Variants in HADHA observed in about 807,000 individuals in gnomAD.
HADHA encodes the protein trifunctional enzyme subunit alpha, mitochondrial.
Under a neutral mutation model 91.3 loss-of-function variants are expected in HADHA, and 59 were observed. The observed-to-expected ratio is 0.65, with a 90% CI of 0.52 to 0.80. HADHA has a LOEUF of 0.80. Among genes scored for constraint, HADHA ranks in the 30% least tolerant of loss-of-function variants. The pLI is 0.00. For missense variants in HADHA, 800 were observed against 927.6 expected (o/e 0.86, Z 1.79); for synonymous variants, 320 against 338.9 (o/e 0.94, Z 0.61).
chr2:26,236,420 G>A (rs7570119), intron 4 of HADHA, among the ~76,000 whole-genome samples: 48,727 of 116,364 alleles, frequency 0.42, 11,007 homozygotes, highest in African/African-American at 0.54. Context: ...GTGTGTGTGT[G>A]TATATACTTT....
At position 26,232,223 on chromosome 2, in the gene HADHA, A is replaced by C. The variant is rs1205240300; in HGVS notation, c.510T>G (p.Gly170=). 3 of 1,603,552 alleles carry C rather than the reference A, an allele frequency of 1.9e-6. No homozygotes were observed. The highest frequency in any genetic ancestry group is 2.6e-6 in the Non-Finnish European group (3 of 1,170,384). Residue 170 remains glycine (G), a synonymous_variant, in exon 6 of 20, where the codon GGT becomes GGG. Coordinates refer to ENST00000380649, the MANE Select transcript of HADHA (RefSeq NM_000182.5). ...AGGCCCCCAGCAAAACTTCAGGGGTACCTAATACTGTTTTTCTGTCTTTTG... is the reference window on the plus strand; with the variant it reads ...AGGCCCCCAGCAAAACTTCAGGGGTCCCTAATACTGTTTTTCTGTCTTTTG... The part of the protein sequence containing the change: ...IATKDRKTVL[G]TPEVLLGALP...
At chr2:26,212,754 A>G in intron 9 of HADHA, 128 bp from the exon 10 acceptor site, 2 of 750,966 alleles carry the variant, frequency 2.7e-6, no homozygotes, top group Non-Finnish European at 4.9e-6. Flanking sequence ...GGAATGAGAA[A>G]GAGAAGAGGA....
At chr2:26,219,668 G>T (rs1670327523) in intron 7 of HADHA, among the ~76,000 whole-genome samples, 1 of 152,188 alleles carries the variant, frequency 6.6e-6, no homozygotes, top group Non-Finnish European at 1.5e-5. Context: ...ATCCCGGGGT[G>T]GCAGGGCCCA....
chr2:26,204,873 C>A (rs998821507), intron 11 of HADHA, among the ~76,000 whole-genome samples: 17 of 152,168 alleles, frequency 1.1e-4, no homozygotes, highest in Non-Finnish European at 1.5e-4. Flanking sequence ...CAGGTGTGAG[C>A]CATCGTGTAA....
rs963919191 is a variant in HADHA at position 26,210,265 on chromosome 2, G to A, written c.976-376C>T. Among the ~76,000 whole-genome samples, 1 of 152,174 alleles carries A rather than the reference G, an allele frequency of 6.6e-6. No homozygotes were observed. The highest frequency in any genetic ancestry group is 2.4e-5 in the African/African-American group (1 of 41,460). On this transcript the variant is annotated intron_variant, in intron 10 of 19. Coordinates refer to ENST00000380649, the MANE Select transcript of HADHA (RefSeq NM_000182.5). The surrounding 1 kb of genome is among the most constrained non-coding windows in gnomAD (Gnocchi z 4.0). ...ACAGATTGGGAAGAGGAGGTCCAAA[G>A]AAATGGAGTGACTTTGCTCAAGGCT...
At chr2:26,215,450 G>C (rs373159913) in intron 7 of HADHA, among the ~76,000 whole-genome samples, 49 of 152,232 alleles carry the variant, frequency 3.2e-4, no homozygotes, top group Middle Eastern at 3.4e-3. Context: ...CACACAAAAG[G>C]AATGCATTAT....
intron 1 of HADHA, among the ~76,000 whole-genome samples, chr2:26,244,012 C>T (rs1475864601): frequency 6.6e-6 from 1 of 152,252 alleles, no homozygotes; most frequent in Non-Finnish European, 1.5e-5. Flanking sequence ...GAGCTCCCTA[C>T]TTGATTGGGG....
rs1326504833 is a variant in HADHA, at chr2:26,193,606, A to G, written c.1856T>C (p.Leu619Pro). The G allele has an allele frequency of 6.2e-7, 1 of 1,613,992 alleles. No individual in the cohort carries two copies. The highest frequency in any genetic ancestry group is 8.5e-7 in the Non-Finnish European group (1 of 1,179,870). Reference protein sequence around the residue: ...ERFGGGNPELLTQMVSKGFLG... With the variant: ...ERFGGGNPELPTQMVSKGFLG... ...GAAGCCCTTGGACACCATCTGTGTC[A>G]GCAGTTCTGGGTTTCCACCTCCAAA... Residue 619 changes from leucine (L) to proline (P), a missense_variant, in exon 17 of 20, where the codon CTG becomes CCG. Physicochemically the swap from Leu to Pro is moderately conservative, Grantham distance 98 (BLOSUM62 -3). Coordinates refer to ENST00000380649, the MANE Select transcript of HADHA (RefSeq NM_000182.5).
Position 26,191,537 on chromosome 2 carries a change from C to T in HADHA, c.2092G>A (p.Ala698Thr). 1 of 1,614,214 alleles carries T rather than the reference C, an allele frequency of 6.2e-7. No individual in the cohort carries two copies. Among genetic ancestry groups the T allele is most frequent in the Non-Finnish European group, 8.5e-7 (1 of 1,180,024 alleles). The change falls in exon 19 of 20, where the codon GCA (alanine) becomes ACA (threonine). Residue 698 changes from alanine to threonine, a missense_variant. Transcript: ENST00000380649. ...AAGACGGCTCCGATGTCTCCCTCTG[C>T]AGGTGTGGCCAAGATCCCCTCTTGC... is the stretch of plus-strand genomic sequence containing the variant. ...CLQEGILATP[A>T]EGDIGAVFGL...
chr2:26,191,469 C>T lies in HADHA; in HGVS notation c.2146+14G>A, dbSNP rs2147749175. On this transcript the variant is annotated intron_variant, in intron 19 of 19. Transcript: ENST00000380649. ...AGGCTAAAGTGAGCTTCCTTCCCAA[C>T]CTGCGAGACCAACCTCCCAGACAAG... The T allele has an allele frequency of 6.2e-7, 1 of 1,614,198 alleles. No individual in the cohort carries two copies. Among genetic ancestry groups the T allele is most frequent in the East Asian group, 2.2e-5 (1 of 44,870 alleles).
Position 26,229,429 on chromosome 2 carries a change from T to C in HADHA, c.676+763A>G, listed in dbSNP as rs546323275. 5.0e-4 allele frequency among the ~76,000 whole-genome samples: 76 copies of C among 152,056 alleles called. No homozygotes were observed. Among genetic ancestry groups the C allele is most frequent in the African/African-American group, 1.7e-3 (71 of 41,444 alleles). ...ATATCTCAATAATGCTGATTTTCAATAAATATAAGAGGGTAATGAACACAC... is the reference window on the plus strand; with the variant it reads ...ATATCTCAATAATGCTGATTTTCAACAAATATAAGAGGGTAATGAACACAC... On this transcript the variant is annotated intron_variant, in intron 7 of 19. Coordinates refer to ENST00000380649, the MANE Select transcript of HADHA (RefSeq NM_000182.5). The surrounding 1 kb of genome is among the most constrained non-coding windows in gnomAD (Gnocchi z 4.3).
Position 26,239,107 on chromosome 2 carries a change from A to G in HADHA, c.104T>C (p.Leu35Ser), listed in dbSNP as rs776059839. 6.2e-7 allele frequency: 1 copy of G among 1,607,364 alleles called. No homozygotes were observed. The highest frequency in any genetic ancestry group is 1.1e-5 in the South Asian group (1 of 90,932). ...TAAAAAGAAATTAAACTTACTCAGC[A>G]AAGCAGAAGACCCTGTAAAATTGCG... ...ICRNFTGSSALLTRTHINYGV... is the reference protein window; with the variant it reads ...ICRNFTGSSASLTRTHINYGV... Residue 35 changes from leucine (L) to serine (S), a missense_variant, in exon 2 of 20, where the codon TTG becomes TCG. Coordinates refer to ENST00000380649, the MANE Select transcript of HADHA (RefSeq NM_000182.5).
chr2:26,229,744 T>C lies in HADHA; in HGVS notation c.676+448A>G, dbSNP rs1574622760. Among the ~76,000 whole-genome samples the C allele has an allele frequency of 6.6e-6, 1 of 152,196 alleles. No homozygotes were observed. The highest frequency in any genetic ancestry group is 1.9e-4 in the East Asian group (1 of 5,196). On this transcript the variant is annotated intron_variant, in intron 7 of 19. Coordinates refer to ENST00000380649, the MANE Select transcript of HADHA (RefSeq NM_000182.5). The surrounding 1 kb of genome is among the most constrained non-coding windows in gnomAD (Gnocchi z 4.3). ...GAAAATGATTTAGTATTAGCTATTT[T>C]ATAAAACTTCCTTCCTTAGAATAAT...
chr2:26,212,438 A>G (rs1345495853), intron 10 of HADHA, 132 bp downstream of exon 10: 3 of 711,870 alleles, frequency 4.2e-6, no homozygotes, highest in Non-Finnish European at 7.8e-6. Context: ...ATCATAAGAG[A>G]TGATAAGCAC....
chr2:26,219,663 G>A (rs1252403579), intron 7 of HADHA, among the ~76,000 whole-genome samples: 2 of 152,190 alleles, frequency 1.3e-5, no homozygotes, highest in African/African-American at 2.4e-5. Flanking sequence ...AAGGAATCCC[G>A]GGGTGGCAGG....
intron 14 of HADHA, among the ~76,000 whole-genome samples, chr2:26,196,645 TG>T (rs1244757055): frequency 5.3e-5 from 8 of 152,178 alleles, no homozygotes; most frequent in African/African-American, 1.9e-4. Context: ...TTTGTCTTTT[TG>T]GCCTTACTTT....
At chr2:26,217,460 T>C (rs569951589) in intron 7 of HADHA, among the ~76,000 whole-genome samples, 2 of 152,292 alleles carry the variant, frequency 1.3e-5, no homozygotes, top group Admixed American at 6.5e-5. Flanking sequence ...ATGTCCAAGA[T>C]GCTCAATGAA....
At chr2:26,228,187 G>A (rs1235273868) in intron 7 of HADHA, among the ~76,000 whole-genome samples, 1 of 151,554 alleles carries the variant, frequency 6.6e-6, no homozygotes, top group African/African-American at 2.4e-5. Context: ...CTGGAGTGCA[G>A]TGGCACAATC....
chr2:26,238,811 G>A, intron 3 of HADHA, 123 bp downstream of exon 3: 1 of 761,110 alleles, frequency 1.3e-6, no homozygotes, highest in East Asian at 2.5e-5. Context: ...TGTCAAAACT[G>A]TAAATTCATG....
Sources: gnomAD v4.1 joint callset for allele counts (sites outside exome capture counted in the v4.1 genomes callset) on GRCh38, gnomAD v4.1.1 for gene constraint, Gnocchi (gnomAD v3.1) non-coding constraint, MANE v1.5 for transcripts, NCBI Gene and HGNC (gene_info 2026-07-23, HGNC 2026-07-21) for gene names.